ZNF81: variants seen among roughly 807,000 people sequenced by gnomAD.
ZNF81 encodes zinc finger protein 81.
ZNF81 carries 5 observed loss-of-function variants against 32.3 expected under a neutral mutation model. The observed-to-expected ratio is 0.15, with a 90% CI of 0.08 to 0.33. The LOEUF (loss-of-function observed/expected upper bound fraction) is 0.33. Ranked by LOEUF, ZNF81 falls within the 10% of genes least tolerant of loss-of-function variation. The probability of loss-of-function intolerance (pLI) is 1.00; values close to 1 mark genes in which losing one functional copy is unlikely to be tolerated. For synonymous variants in ZNF81, 163 were observed against 166.8 expected (o/e 0.98, Z 0.17); for missense variants, 379 against 479.8 (o/e 0.79, Z 1.96).
chrX:47,855,190 TAAAA>T (rs1163678594), intron 2 of ZNF81, among the ~76,000 whole-genome samples: 1 of 106,948 alleles, frequency 9.4e-6, no homozygotes, highest in African/African-American at 3.4e-5. Context: ...TAAATAAAAA[TAAAA>T]AAACCCCCAA....
chrX:47,896,493 C>A (rs1315987205), intron 4 of ZNF81, among the ~76,000 whole-genome samples: 1 of 111,758 alleles, frequency 8.9e-6, no homozygotes, highest in African/African-American at 3.3e-5. Context: ...AGATTCCTCA[C>A]TCCTCTCCAC....
chrX:47,885,476 C>T lies in ZNF81; in HGVS notation c.55-2523C>T, dbSNP rs782624853. 4.0e-4 allele frequency among the ~76,000 whole-genome samples: 45 copies of T among 111,855 alleles called. 1 individual carries two copies. In the South Asian group the frequency reaches 8.2e-3, roughly 20 times the overall value. ...TACTCATCTGTTTTAGTTTGTTTGT[C>T]CTACTGTAACAACATTCCTGAGATT... is the stretch of plus-strand genomic sequence containing the variant. On this transcript the variant is annotated intron_variant, in intron 2 of 4. Coordinates refer to ENST00000338637, the MANE Select transcript of ZNF81 (RefSeq NM_007137.5).
intron 2 of ZNF81, among the ~76,000 whole-genome samples, chrX:47,883,707 T>C (rs1433151853): frequency 8.9e-6 from 1 of 112,202 alleles, no homozygotes; most frequent in Admixed American, 9.4e-5. Flanking sequence ...GACACTGATT[T>C]AGACTTTTGT....
At chrX:47,843,305 T>C (rs1218013316) in intron 1 of ZNF81, among the ~76,000 whole-genome samples, 1 of 111,687 alleles carries the variant, frequency 9.0e-6, no homozygotes, top group Non-Finnish European at 1.9e-5. Context: ...GTATAAGTTT[T>C]GGAATGGACA....
Position 47,916,414 on chromosome X carries a change from T to C in ZNF81, c.1768T>C (p.Ser590Pro). 8.3e-7 allele frequency: 1 copy of C among 1,209,497 alleles called. No individual in the cohort carries two copies. The highest frequency in any genetic ancestry group is 3.0e-5 in the East Asian group (1 of 33,741). ...KPYKCPDCEK[S>P]FSKKPHLKVH... ...TTATAAATGTCCTGACTGTGAGAAA[T>C]CCTTCTCCAAGAAACCACATCTCAA... is the stretch of plus-strand genomic sequence containing the variant. Residue 590 changes from serine to proline, a missense_variant, in exon 5 of 5, where the codon TCC (serine) becomes CCC (proline). Ser to Pro is a moderately conservative substitution (Grantham distance 74, BLOSUM62 -1). Coordinates refer to ENST00000338637, the MANE Select transcript of ZNF81 (RefSeq NM_007137.5).
At chrX:47,871,164 A>G (rs2058578607) in intron 2 of ZNF81, among the ~76,000 whole-genome samples, 2 of 108,470 alleles carry the variant, frequency 1.8e-5, no homozygotes, top group Admixed American at 9.6e-5. Context: ...TCTACAGTGG[A>G]TTATTTTATC....
intron 4 of ZNF81, among the ~76,000 whole-genome samples, chrX:47,904,696 A>T (rs2058713755): frequency 8.9e-6 from 1 of 112,037 alleles, no homozygotes; most frequent in African/African-American, 3.3e-5. Context: ...CATTTGACCC[A>T]GCCATCCCAT....
At chrX:47,890,399 T>C (rs2058658390) in intron 3 of ZNF81, among the ~76,000 whole-genome samples, 1 of 112,319 alleles carries the variant, frequency 8.9e-6, no homozygotes, top group Admixed American at 9.4e-5. Flanking sequence ...TTAAATTCAG[T>C]GGGTGAGTAA....
chrX:47,885,463 T>G (rs1435672301), intron 2 of ZNF81, among the ~76,000 whole-genome samples: 2 of 112,324 alleles, frequency 1.8e-5, no homozygotes, highest in African/African-American at 6.5e-5. Flanking sequence ...CTCATCTGTT[T>G]TAGTTTGTTT....
At chrX:47,850,676 T>G (rs782697551) in intron 2 of ZNF81, among the ~76,000 whole-genome samples, 163 of 105,326 alleles carry the variant, frequency 1.5e-3, no homozygotes, top group African/African-American at 5.2e-3. Context: ...CAGATTGTGG[T>G]GGTAATTAGG....
In ZNF81 at chrX:47,916,767, T is replaced by A; in HGVS notation, c.*135T>A. ...AAGGAAAAGCATCAGGCTATCTCAC[T>A]TGAGATGGAAAAAAATTATTCAGAA... On this transcript the variant is annotated 3_prime_UTR_variant, in exon 5 of 5. Coordinates refer to ENST00000338637, the MANE Select transcript of ZNF81 (RefSeq NM_007137.5). 1 of 676,294 alleles carries A rather than the reference T, an allele frequency of 1.5e-6. No homozygotes were observed. The highest frequency in any genetic ancestry group is 2.0e-6 in the Non-Finnish European group (1 of 490,351). The allele number at this position is 676,294 out of a possible 1,213,427, so 55.7% of individuals were successfully genotyped here.
At position 47,918,591 on chromosome X, in the gene ZNF81, T is replaced by C. The variant is rs2058765362; in HGVS notation, c.*1959T>C. 1 of 111,685 alleles carries C rather than the reference T, an allele frequency of 9.0e-6. No individual in the cohort carries two copies. The highest frequency in any genetic ancestry group is 3.3e-5 in the African/African-American group (1 of 30,627). 9.2% of individuals were successfully genotyped at this position (111,685 alleles called of 1,213,427 possible). Reference sequence around the variant, plus strand: ...ACCTCCAGGTTGGACTTCCAGGGACTGAAACAGTTCAAAATGAAAAGTGGC... The same window carrying C: ...ACCTCCAGGTTGGACTTCCAGGGACCGAAACAGTTCAAAATGAAAAGTGGC... On this transcript the variant is annotated 3_prime_UTR_variant, in exon 5 of 5. Transcript: ENST00000338637.
rs781820953 is a variant in ZNF81, at chrX:47,896,074, T to C, written c.277+134T>C. The C allele has an allele frequency of 2.9e-4, 138 of 482,355 alleles. No individual in the cohort carries two copies. In the Middle Eastern group the frequency reaches 4.7e-3, roughly 16 times the overall value. The allele number at this position is 482,355 out of a possible 1,213,427, so 39.8% of individuals were successfully genotyped here. On this transcript the variant is annotated intron_variant, in intron 4 of 4. Transcript: ENST00000338637. Reference sequence around the variant, plus strand: ...TAAATTGCTTGAGGATAGGTAGCATTGGCCTCTCGGGTGCCAAATTGTTCT... The same window carrying C: ...TAAATTGCTTGAGGATAGGTAGCATCGGCCTCTCGGGTGCCAAATTGTTCT...
Position 47,922,290 on chromosome X carries a change from A to G in ZNF81, c.*5658A>G, listed in dbSNP as rs1556892034. 2 of 112,316 alleles carry G rather than the reference A, an allele frequency of 1.8e-5. No homozygotes were observed. Among genetic ancestry groups the G allele is most frequent in the Non-Finnish European group, 3.8e-5 (2 of 53,294 alleles). The allele number at this position is 112,316 out of a possible 1,213,427, so 9.3% of individuals were successfully genotyped here. On this transcript the variant is annotated 3_prime_UTR_variant, in exon 5 of 5. Coordinates refer to ENST00000338637, the MANE Select transcript of ZNF81 (RefSeq NM_007137.5). ...TCCCATGCTTGTAATCAGAAGTTAT[A>G]TAAGATTGTTTCCTCCTTTGATTTT... is the stretch of plus-strand genomic sequence containing the variant.
At chrX:47,854,978 C>A (rs925942357) in intron 2 of ZNF81, among the ~76,000 whole-genome samples, 1 of 109,338 alleles carries the variant, frequency 9.1e-6, no homozygotes, top group Non-Finnish European at 1.9e-5. Flanking sequence ...GCCTATAATC[C>A]TAGCTACTCG....
At chrX:47,901,422 A>G (rs1305408520) in intron 4 of ZNF81, among the ~76,000 whole-genome samples, 1 of 111,828 alleles carries the variant, frequency 8.9e-6, no homozygotes, top group African/African-American at 3.3e-5. Context: ...TCAGTCTTTC[A>G]CCATTAGGTG....
At chrX:47,844,963 TA>T (rs2058464754) in intron 1 of ZNF81, among the ~76,000 whole-genome samples, 1 of 112,375 alleles carries the variant, frequency 8.9e-6, no homozygotes, top group African/African-American at 3.2e-5. Context: ...CATCTTATGT[TA>T]CGATCAGAGA....
chrX:47,901,764 C>G (rs782639867), intron 4 of ZNF81, among the ~76,000 whole-genome samples: 3 of 71,356 alleles, frequency 4.2e-5, no homozygotes, highest in African/African-American at 1.0e-4. Flanking sequence ...GTTTTGTGGG[C>G]GGGGGGGGGT....
intron 2 of ZNF81, among the ~76,000 whole-genome samples, chrX:47,881,101 G>A (rs1569383759): frequency 8.9e-6 from 1 of 111,979 alleles, no homozygotes; most frequent in Non-Finnish European, 1.9e-5. Context: ...AAAAGGAGTT[G>A]GGCTAGTGGG....
Sources: gnomAD v4.1 joint callset for allele counts (sites outside exome capture counted in the v4.1 genomes callset) on GRCh38, gnomAD v4.1.1 for gene constraint, MANE v1.5 for transcripts, NCBI Gene and HGNC (gene_info 2026-07-23, HGNC 2026-07-21) for gene names.